SLC9B1: variants seen among roughly 807,000 people sequenced by gnomAD.
The protein encoded by SLC9B1 is solute carrier family 9 member B1.
SLC9B1 carries 32 observed loss-of-function variants against 51.7 expected under a neutral mutation model. That is an observed-to-expected ratio of 0.62 (90% confidence interval 0.47 to 0.83). The LOEUF (loss-of-function observed/expected upper bound fraction) is 0.83, where lower values mean the gene tolerates loss of function less well. Ranked by LOEUF, SLC9B1 falls within the 40% of genes least tolerant of loss-of-function variation. The pLI is 0.00. For synonymous variants in SLC9B1, 145 were observed against 212.7 expected, an observed-to-expected ratio of 0.68 and a Z score of 2.77; for missense variants, 406 against 613.2, an observed-to-expected ratio of 0.66 and a Z score of 3.57.
chr4:102,902,654 T>C (rs1734844791), intron 11 of SLC9B1, among the ~76,000 whole-genome samples: 1 of 152,228 alleles, frequency 6.6e-6, no homozygotes, highest in South Asian at 2.1e-4. Flanking sequence ...CTTAAAGCTT[T>C]CCATTTATCA....
At chr4:102,917,763 G>A (rs1457774793) in intron 7 of SLC9B1, among the ~76,000 whole-genome samples, 1 of 152,078 alleles carries the variant, frequency 6.6e-6, no homozygotes, top group Non-Finnish European at 1.5e-5. Flanking sequence ...GCAAAAGGAA[G>A]GAAATAATAA....
At chr4:102,988,039 A>T (rs964169409) in intron 3 of SLC9B1, among the ~76,000 whole-genome samples, 3 of 152,146 alleles carry the variant, frequency 2.0e-5, no homozygotes, top group Admixed American at 1.3e-4. Flanking sequence ...TGAACCTTAA[A>T]TTTCCAAGAC....
downstream of SLC9B1, among the ~76,000 whole-genome samples, chr4:102,896,572 C>T (rs1361930844): frequency 3.3e-5 from 5 of 152,044 alleles, no homozygotes; most frequent in South Asian, 4.2e-4. Flanking sequence ...GAGGCTCCAC[C>T]CCGTAATCCC....
intron 6 of SLC9B1, among the ~76,000 whole-genome samples, chr4:102,943,158 CAAAAAAATA>C (rs1737088926): frequency 9.0e-6 from 1 of 111,362 alleles, no homozygotes; most frequent in African/African-American, 3.4e-5. Context: ...TAGCCATAAT[CAAAAAAATA>C]AAAAAAAAAA....
intron 1 of SLC9B1, among the ~76,000 whole-genome samples, chr4:103,007,129 A>G (rs1163588385): frequency 6.6e-6 from 1 of 152,238 alleles, no homozygotes; most frequent in Non-Finnish European, 1.5e-5. Flanking sequence ...AGCCAGAACA[A>G]TCAGGCAGGA....
At chr4:102,920,564 C>G (rs183463933) in intron 7 of SLC9B1, among the ~76,000 whole-genome samples, 3 of 152,148 alleles carry the variant, frequency 2.0e-5, no homozygotes, top group Non-Finnish European at 4.4e-5. Context: ...ATGACTTTGA[C>G]GAGTTGACAG....
At chr4:102,927,191 C>G (rs1260833446) in intron 7 of SLC9B1, among the ~76,000 whole-genome samples, 1 of 152,044 alleles carries the variant, frequency 6.6e-6, no homozygotes, top group Non-Finnish European at 1.5e-5. Context: ...TAGGCATGGG[C>G]GAGGTCTTCA....
At chr4:102,908,490 T>G (rs1166101545) in intron 9 of SLC9B1, among the ~76,000 whole-genome samples, 14 of 152,278 alleles carry the variant, frequency 9.2e-5, no homozygotes, top group African/African-American at 3.4e-4. Flanking sequence ...ATAAATAGTT[T>G]GTAAGATACA....
rs1231665295 is a variant in SLC9B1, at chr4:102,996,297, A to C, written c.-1-4585T>G. ...TAGGTATTAAAAATGTAAATCTTTT[A>C]TTGGATATATAAAGAGCCAATATCA... On this transcript the variant is annotated intron_variant, in intron 1 of 11. Coordinates refer to ENST00000296422, the MANE Select transcript of SLC9B1 (RefSeq NM_139173.4). 2.0e-5 allele frequency among the ~76,000 whole-genome samples: 3 copies of C among 152,104 alleles called. No homozygotes were observed. The East Asian group carries it at 5.8e-4, about 29-fold the overall frequency.
At chr4:102,950,030 G>C (rs1737470455) in intron 3 of SLC9B1, among the ~76,000 whole-genome samples, 7 of 152,026 alleles carry the variant, frequency 4.6e-5, no homozygotes, top group Admixed American at 3.9e-4. Flanking sequence ...TATAATATAT[G>C]ATAGTTAAAA....
At chr4:102,966,751 A>T (rs555142342) in intron 3 of SLC9B1, among the ~76,000 whole-genome samples, 1 of 152,136 alleles carries the variant, frequency 6.6e-6, no homozygotes, top group Non-Finnish European at 1.5e-5. Context: ...TCTCAGTGCT[A>T]ATCTCTTTAG....
chr4:102,962,411 T>G (rs1738185776), intron 3 of SLC9B1: 1 of 531,694 alleles, frequency 1.9e-6, no homozygotes, highest in Non-Finnish European at 3.8e-6. Context: ...GACCATTATT[T>G]TTTAATGACA....
At chr4:102,942,358 C>T (rs919046597) in intron 6 of SLC9B1, among the ~76,000 whole-genome samples, 28 of 152,024 alleles carry the variant, frequency 1.8e-4, no homozygotes, top group South Asian at 2.1e-4. Flanking sequence ...CAAAAATAGC[C>T]CGCATAACCA....
intron 3 of SLC9B1, among the ~76,000 whole-genome samples, chr4:102,970,933 T>G (rs1343398438): frequency 2.0e-5 from 3 of 151,900 alleles, no homozygotes; most frequent in Non-Finnish European, 2.9e-5. Flanking sequence ...AACAAGAAGA[T>G]CTAACTATCC....
intron 11 of SLC9B1, among the ~76,000 whole-genome samples, chr4:102,901,962 TA>T (rs1734811962): frequency 6.6e-6 from 1 of 152,152 alleles, no homozygotes; most frequent in Admixed American, 6.6e-5. Flanking sequence ...TTGTGAAAAT[TA>T]AATATGAGAA....
At chr4:102,996,736 A>G (rs930266265) in intron 1 of SLC9B1, among the ~76,000 whole-genome samples, 2 of 152,034 alleles carry the variant, frequency 1.3e-5, no homozygotes, top group African/African-American at 4.8e-5. Flanking sequence ...TTCATATTCT[A>G]TCCTGTTCCA....
chr4:103,005,221 G>A (rs967945226), intron 1 of SLC9B1, among the ~76,000 whole-genome samples: 2 of 147,610 alleles, frequency 1.4e-5, no homozygotes, highest in Non-Finnish European at 3.0e-5. Flanking sequence ...ATAACTATAA[G>A]CTCAAAGTAA....
chr4:102,971,517 A>G (rs1007035436), intron 3 of SLC9B1, among the ~76,000 whole-genome samples: 1 of 152,234 alleles, frequency 6.6e-6, no homozygotes, highest in African/African-American at 2.4e-5. Flanking sequence ...ATAGCACTAA[A>G]TAACCACAAG....
At chr4:102,994,755 A>G (rs1184275948) in intron 1 of SLC9B1, among the ~76,000 whole-genome samples, 2 of 152,192 alleles carry the variant, frequency 1.3e-5, no homozygotes, top group Non-Finnish European at 2.9e-5. Context: ...AGGCAGCAGG[A>G]AAGAGAATGA....
Sources: gnomAD v4.1 joint callset for allele counts (sites outside exome capture counted in the v4.1 genomes callset) on GRCh38, gnomAD v4.1.1 for gene constraint, MANE v1.5 for transcripts, NCBI Gene and HGNC (gene_info 2026-07-23, HGNC 2026-07-21) for gene names.